DAB1: variants seen among roughly 807,000 people sequenced by gnomAD.
DAB1 encodes DAB adaptor protein 1.
DAB1 carries 15 observed loss-of-function variants against 64.6 expected under a neutral mutation model. The observed-to-expected ratio is 0.23, with a 90% CI of 0.16 to 0.36. The LOEUF (loss-of-function observed/expected upper bound fraction) is 0.36. DAB1 is among the 10% of genes least tolerant of loss of function. The pLI is 1.00. For synonymous variants in DAB1, 235 were observed against 251.9 expected, an observed-to-expected ratio of 0.93 and a Z score of 0.64; for missense variants, 596 against 706.7, an observed-to-expected ratio of 0.84 and a Z score of 1.78.
At chr1:58,527,995 T>C (rs1458179439) in intron 1 of DAB1, among the ~76,000 whole-genome samples, 1 of 152,226 alleles carries the variant, frequency 6.6e-6, no homozygotes, top group Non-Finnish European at 1.5e-5. Context: ...AGGAGATGAA[T>C]CAATAGGCAG....
At chr1:57,009,974 C>T (rs1052480725) in intron 14 of DAB1, among the ~76,000 whole-genome samples, 2 of 152,180 alleles carry the variant, frequency 1.3e-5, no homozygotes, top group South Asian at 4.1e-4. Flanking sequence ...GTGAGTGCTA[C>T]ACATCTCTGG....
At chr1:58,060,754 G>T (rs1295712403) in intron 5 of DAB1, among the ~76,000 whole-genome samples, 1 of 152,238 alleles carries the variant, frequency 6.6e-6, no homozygotes, top group Non-Finnish European at 1.5e-5. Context: ...GGCTTTCTGG[G>T]CCAGCAGCCA....
chr1:57,282,540 T>C (rs1671998858), intron 2 of DAB1, among the ~76,000 whole-genome samples: 1 of 152,148 alleles, frequency 6.6e-6, no homozygotes. Flanking sequence ...CTGAACTAAG[T>C]CACCAATTAA....
chr1:58,263,890 T>A (rs916677828), intron 4 of DAB1, among the ~76,000 whole-genome samples: 1 of 152,260 alleles, frequency 6.6e-6, no homozygotes, highest in Non-Finnish European at 1.5e-5. Flanking sequence ...CATAAATGAA[T>A]GTTGGAATAC....
At chr1:57,473,529 TAGGCTCTG>T (rs1643894395) in intron 7 of DAB1, among the ~76,000 whole-genome samples, 1 of 152,218 alleles carries the variant, frequency 6.6e-6, no homozygotes, top group Non-Finnish European at 1.5e-5. Flanking sequence ...GAATCCCTTC[TAGGCTCTG>T]AGTCTAGGGG....
chr1:57,372,571 C>G (rs942675431), intron 1 of DAB1, among the ~76,000 whole-genome samples: 5 of 152,014 alleles, frequency 3.3e-5, no homozygotes, highest in African/African-American at 1.2e-4. Context: ...CTCTGGCTGA[C>G]TTTACACAGC....
chr1:57,777,429 C>A (rs571230942), intron 6 of DAB1, among the ~76,000 whole-genome samples: 2 of 151,652 alleles, frequency 1.3e-5, no homozygotes, highest in African/African-American at 2.4e-5. Context: ...ATTACGTACA[C>A]GTTAAATCAC....
At chr1:57,872,691 G>C (rs1643973437) in intron 1 of DAB1, among the ~76,000 whole-genome samples, 3 of 152,102 alleles carry the variant, frequency 2.0e-5, no homozygotes, top group Admixed American at 6.6e-5. Flanking sequence ...CTGTACCAGA[G>C]GGGTATGGTC....
At chr1:57,955,336 C>T (rs565083969) in intron 5 of DAB1, among the ~76,000 whole-genome samples, 13 of 152,260 alleles carry the variant, frequency 8.5e-5, no homozygotes, top group African/African-American at 2.9e-4. Context: ...ACCTTGACTC[C>T]AGCCCCAGAA....
intron 5 of DAB1, among the ~76,000 whole-genome samples, chr1:57,896,277 T>A (rs1295279007): frequency 6.6e-6 from 1 of 152,176 alleles, no homozygotes; most frequent in African/African-American, 2.4e-5. Context: ...GGGAAAGTCC[T>A]ATATCAGTGC....
intron 2 of DAB1, among the ~76,000 whole-genome samples, chr1:57,192,444 C>T (rs1277074262): frequency 6.6e-6 from 1 of 152,110 alleles, no homozygotes; most frequent in Non-Finnish European, 1.5e-5. Context: ...CTTCCTAGGC[C>T]TCAGGTTACT....
chr1:58,248,983 T>C (rs1258703737), intron 4 of DAB1, among the ~76,000 whole-genome samples: 1 of 152,042 alleles, frequency 6.6e-6, no homozygotes, highest in East Asian at 1.9e-4. Flanking sequence ...AATGCATTCA[T>C]TGGAACTCAG....
At chr1:57,205,449 G>T (rs1275321355) in intron 2 of DAB1, among the ~76,000 whole-genome samples, 1 of 152,196 alleles carries the variant, frequency 6.6e-6, no homozygotes, top group Non-Finnish European at 1.5e-5. Context: ...GTCCCAAGAA[G>T]TAGACAGAAG....
chr1:58,187,565 A>ATAT (rs377009640), intron 4 of DAB1, among the ~76,000 whole-genome samples: 2,704 of 148,116 alleles, frequency 0.018, 31 homozygotes, highest in Admixed American at 0.024. Flanking sequence ...TATATTTTAT[A>ATAT]TATTATTATT....
chr1:57,527,671 G>A (rs1468510988), intron 7 of DAB1, among the ~76,000 whole-genome samples: 6 of 152,168 alleles, frequency 3.9e-5, no homozygotes, highest in Non-Finnish European at 4.4e-5. Context: ...ACAGAGCACT[G>A]TGCTGGTTAC....
At chr1:58,396,302 T>C (rs891500726) in intron 3 of DAB1, among the ~76,000 whole-genome samples, 4 of 152,096 alleles carry the variant, frequency 2.6e-5, no homozygotes, top group Admixed American at 6.5e-5. Context: ...AGATGTCTAG[T>C]TGCATCTTGT....
At chr1:57,415,530 A>G (rs562860694) in intron 1 of DAB1, among the ~76,000 whole-genome samples, 8 of 152,328 alleles carry the variant, frequency 5.3e-5, no homozygotes, top group African/African-American at 1.9e-4. Context: ...AAATCTATTC[A>G]GCTTCCCAAA....
intron 2 of DAB1, among the ~76,000 whole-genome samples, chr1:58,518,802 G>A (rs187774871): frequency 5.0e-4 from 76 of 152,166 alleles, no homozygotes; most frequent in East Asian, 3.3e-3. Flanking sequence ...TAAAGAAGAG[G>A]AGATAGCAGA....
chr1:57,138,963 G>A (rs1341012180), intron 3 of DAB1, among the ~76,000 whole-genome samples: 1 of 152,098 alleles, frequency 6.6e-6, no homozygotes, highest in East Asian at 1.9e-4. Context: ...GTGTAAAGCA[G>A]GAACTCAAAG....
Sources: allele counts gnomAD v4.1 joint callset (sites outside exome capture counted in the v4.1 genomes callset), GRCh38; gene constraint gnomAD v4.1.1; transcripts MANE v1.5; gene names NCBI Gene and HGNC (gene_info 2026-07-23, HGNC 2026-07-21).